Variants in CEP162 observed in about 807,000 individuals in gnomAD.
CEP162 encodes the protein centrosomal protein of 162 kDa.
In CEP162, 141 loss-of-function variants were observed where a neutral mutation model predicts 169.2. That is an observed-to-expected ratio of 0.83 (90% CI 0.73 to 0.96). The LOEUF is 0.96. Among genes scored for constraint, CEP162 ranks in the 40% least tolerant of loss-of-function variants. The pLI is 0.00. For synonymous variants in CEP162, 540 were observed against 526.4 expected, an observed-to-expected ratio of 1.03 and a Z score of -0.35; for missense variants, 1,600 against 1,587.2, an observed-to-expected ratio of 1.01 and a Z score of -0.14.
rs773183745 is a variant in CEP162 at position 84,163,277 on chromosome 6, A to G, written c.2386-7T>C. 5 of 1,593,762 alleles carry G rather than the reference A, an allele frequency of 3.1e-6. No homozygotes were observed. The highest frequency in any genetic ancestry group is 4.3e-6 in the Non-Finnish European group (5 of 1,166,462). On this transcript the variant is annotated splice_region_variant and splice_polypyrimidine_tract_variant and intron_variant, in intron 18 of 26. Transcript: ENST00000403245. ...ATAAACTGTCTTTTTCTTTCTTGAT[A>G]TTCAAAAGAAATATAAAAGCAAGTT...
At chr6:84,155,693 T>C in intron 21 of CEP162, 183 bp from the exon 22 acceptor site, 1 of 559,342 alleles carries the variant, frequency 1.8e-6, no homozygotes, top group South Asian at 2.2e-5. Context: ...GTGAAGGATG[T>C]TTGCCAGGAG....
At chr6:84,150,548 C>T (rs2099520717) in intron 23 of CEP162, among the ~76,000 whole-genome samples, 1 of 152,048 alleles carries the variant, frequency 6.6e-6, no homozygotes, top group Non-Finnish European at 1.5e-5. Flanking sequence ...TAAATTAAAG[C>T]ACATATAACT....
chr6:84,162,286 G>A (rs1014988082), intron 19 of CEP162, among the ~76,000 whole-genome samples: 1 of 152,048 alleles, frequency 6.6e-6, no homozygotes, highest in East Asian at 1.9e-4. Flanking sequence ...AAGTAACAAC[G>A]ACAAACATTC....
chr6:84,126,451 T>C lies in CEP162; in HGVS notation c.3932A>G (p.His1311Arg). The C allele has an allele frequency of 1.3e-6, 2 of 1,589,532 alleles. No individual in the cohort carries two copies. Among genetic ancestry groups the C allele is most frequent in the Non-Finnish European group, 1.7e-6 (2 of 1,166,366 alleles). The change falls in exon 26 of 27, where the codon CAT (histidine) becomes CGT (arginine). Residue 1311 changes from histidine to arginine, a missense_variant. Physicochemically the swap from His to Arg is conservative, Grantham distance 29. Coordinates refer to ENST00000403245, the MANE Select transcript of CEP162 (RefSeq NM_014895.4). ...AKENHTPEMKHFVGLEKKIKQ... is the reference protein window; with the variant it reads ...AKENHTPEMKRFVGLEKKIKQ... ...AATTTTCTTTTCTAAGCCCACGAAA[T>C]GTTTCATCTCTGGTGTATGGTTTTC... is the stretch of plus-strand genomic sequence containing the variant.
At chr6:84,160,191 G>T (rs2099525196) in intron 21 of CEP162, among the ~76,000 whole-genome samples, 1 of 151,958 alleles carries the variant, frequency 6.6e-6, no homozygotes, top group Admixed American at 6.6e-5. Flanking sequence ...GAATATAAAT[G>T]CTATATTACA....
chr6:84,212,543 T>TTGC (rs1554184257), intron 6 of CEP162, among the ~76,000 whole-genome samples: 15 of 151,394 alleles, frequency 9.9e-5, no homozygotes, highest in Non-Finnish European at 7.4e-5. Flanking sequence ...CAAAGAAGAA[T>TTGC]AGCTAAAAAG....
intron 18 of CEP162, among the ~76,000 whole-genome samples, chr6:84,166,554 G>A (rs950631526): frequency 1.3e-5 from 2 of 152,062 alleles, no homozygotes; most frequent in Non-Finnish European, 2.9e-5. Flanking sequence ...GCAAGATCTG[G>A]GTCTGTCTTA....
intron 21 of CEP162, among the ~76,000 whole-genome samples, chr6:84,158,490 A>C (rs1238806818): frequency 6.6e-6 from 1 of 152,176 alleles, no homozygotes; most frequent in African/African-American, 2.4e-5. Context: ...AATCCTGTTC[A>C]TATTAGGTAT....
chr6:84,156,644 T>C (rs767542335), intron 21 of CEP162, among the ~76,000 whole-genome samples: 8 of 152,118 alleles, frequency 5.3e-5, no homozygotes, highest in Middle Eastern at 3.4e-3. Context: ...AAAACCATTA[T>C]GGAAAACAGT....
At position 84,150,399 on chromosome 6, in the gene CEP162, T is replaced by C. The variant is rs534537147; in HGVS notation, c.3630-696A>G. ...ATAACAGCATTTAACTTAAAGCATG[T>C]ATTTTAGTAAACTGCTGTTGCTATA... On this transcript the variant is annotated intron_variant, in intron 23 of 26. Coordinates refer to ENST00000403245, the MANE Select transcript of CEP162 (RefSeq NM_014895.4). Among the ~76,000 whole-genome samples the C allele has an allele frequency of 2.0e-5, 3 of 152,292 alleles. No individual in the cohort carries two copies. In the South Asian group the frequency reaches 6.2e-4, roughly 32 times the overall value.
intron 25 of CEP162, among the ~76,000 whole-genome samples, chr6:84,141,923 T>C (rs1167037642): frequency 6.6e-6 from 1 of 152,184 alleles, no homozygotes; most frequent in Admixed American, 6.5e-5. Flanking sequence ...TCTTTCATAA[T>C]AGGCAAATAT....
At chr6:84,179,072 T>C (rs1278036851) in intron 13 of CEP162, among the ~76,000 whole-genome samples, 4 of 152,236 alleles carry the variant, frequency 2.6e-5, no homozygotes, top group African/African-American at 4.8e-5. Flanking sequence ...GATGGACATC[T>C]GGGTTGGTTC....
chr6:84,174,813 G>A lies in CEP162; in HGVS notation c.1939C>T (p.Leu647=). The change falls in exon 15 of 27, where the codon CTA becomes TTA. Residue 647 remains leucine, a synonymous_variant. Coordinates refer to ENST00000403245, the MANE Select transcript of CEP162 (RefSeq NM_014895.4). The part of the protein sequence containing the change: ...KATFSEKEKE[L]ENKLEELKKQ... The stretch of plus-strand genomic sequence containing the variant: ...TTTAGTTCTTCCAACTTATTTTCTA[G>A]TTCTTTCTCCTTTTCTGAGAATGTG... 3.8e-6 allele frequency: 6 copies of A among 1,594,220 alleles called. No individual in the cohort carries two copies. The highest frequency in any genetic ancestry group is 5.1e-6 in the Non-Finnish European group (6 of 1,167,594).
intron 26 of CEP162, among the ~76,000 whole-genome samples, chr6:84,126,130 T>C (rs2099508838): frequency 6.6e-6 from 1 of 152,100 alleles, no homozygotes. Flanking sequence ...TAGGAATCCA[T>C]CAATAATTAA....
At chr6:84,163,337 C>T (rs2099526504) in intron 18 of CEP162, 67 bp from the exon 19 acceptor site, 2 of 1,204,268 alleles carry the variant, frequency 1.7e-6, no homozygotes, top group Non-Finnish European at 2.4e-6. Context: ...TATAGTCTTT[C>T]AAACAATCCA....
chr6:84,226,154 G>A (rs1185535290), intron 2 of CEP162, among the ~76,000 whole-genome samples, 183 bp downstream of exon 2: 3 of 152,000 alleles, frequency 2.0e-5, no homozygotes, highest in Non-Finnish European at 4.4e-5. Context: ...GTTGAGAACT[G>A]CTGCCATAGC....
chr6:84,140,448 C>T (rs756758635), intron 25 of CEP162, among the ~76,000 whole-genome samples: 27 of 152,036 alleles, frequency 1.8e-4, no homozygotes, highest in Non-Finnish European at 3.1e-4. Context: ...CTTTGGATAT[C>T]GAGGGAGATT....
chr6:84,199,225 C>G (rs577324108), intron 9 of CEP162, among the ~76,000 whole-genome samples: 9 of 152,188 alleles, frequency 5.9e-5, no homozygotes, highest in African/African-American at 2.2e-4. Context: ...GGGACATGCA[C>G]TCAGCACATG....
intron 18 of CEP162, among the ~76,000 whole-genome samples, chr6:84,164,512 A>C (rs2099527023): frequency 6.6e-6 from 1 of 152,260 alleles, no homozygotes; most frequent in South Asian, 2.1e-4. Flanking sequence ...AATACTATGC[A>C]GCCATAAAAA....
Sources: allele counts gnomAD v4.1 joint callset (sites outside exome capture counted in the v4.1 genomes callset), GRCh38; gene constraint gnomAD v4.1.1; transcripts MANE v1.5; gene names NCBI Gene and HGNC (gene_info 2026-07-23, HGNC 2026-07-21).